The following PTPRN2 variants were observed in gnomAD, a reference collection of about 807,000 sequenced individuals.
PTPRN2 encodes the protein protein tyrosine phosphatase receptor type N2.
A neutral mutation model predicts 118.8 loss-of-function variants in PTPRN2; 74 were observed. The observed-to-expected ratio is 0.62, with a 90% CI of 0.52 to 0.76. The LOEUF (loss-of-function observed/expected upper bound fraction) is 0.76, where lower values mean the gene tolerates loss of function less well. PTPRN2 is among the 30% of genes least tolerant of loss of function. The probability of loss-of-function intolerance (pLI) is 0.00; values close to 1 mark genes in which losing one functional copy is unlikely to be tolerated. For synonymous variants in PTPRN2, 641 were observed against 608.0 expected (o/e 1.05, Z -0.80); for missense variants, 1,481 against 1,394.4 (o/e 1.06, Z -0.99).
rs546599303 is a variant in PTPRN2 at position 157,827,907 on chromosome 7, T to G, written c.1788+70766A>C. Among the ~76,000 whole-genome samples, 3 of 152,100 alleles carry G rather than the reference T, an allele frequency of 2.0e-5. No homozygotes were observed. The South Asian group carries it at 6.2e-4, about 32-fold the overall frequency. Reference sequence around the variant, plus strand: ...CTGATTTTGTTTTTTTTTGAAAAGGTAAACATAAAGAAAATGCTTGAAGCC... The same window carrying G: ...CTGATTTTGTTTTTTTTTGAAAAGGGAAACATAAAGAAAATGCTTGAAGCC... On this transcript the variant is annotated intron_variant, in intron 12 of 22. Transcript: ENST00000389418.
At chr7:158,053,681 C>T (rs544048007) in intron 11 of PTPRN2, among the ~76,000 whole-genome samples, 12 of 150,024 alleles carry the variant, frequency 8.0e-5, no homozygotes, top group African/African-American at 1.5e-4. Flanking sequence ...GTGGGACAGC[C>T]GCTGCGGAAG....
rs570783420 is a variant in PTPRN2, at chr7:158,325,502, G to C, written c.164-8570C>G. ...GGGCATTGTTTGAAATAACCACAATGCGCATACCTATTCAATCATTTGTGT... is the reference window on the plus strand; with the variant it reads ...GGGCATTGTTTGAAATAACCACAATCCGCATACCTATTCAATCATTTGTGT... On this transcript the variant is annotated intron_variant, in intron 2 of 22. Coordinates refer to ENST00000389418, the MANE Select transcript of PTPRN2 (RefSeq NM_002847.5). Among the ~76,000 whole-genome samples the C allele has an allele frequency of 5.3e-5, 8 of 152,298 alleles. 1 individual carries two copies. The South Asian group carries it at 1.7e-3, about 32-fold the overall frequency.
rs890166623 is a variant in PTPRN2, at chr7:158,544,804, T to C, written c.112+42754A>G. Among the ~76,000 whole-genome samples the C allele has an allele frequency of 6.6e-6, 1 of 152,200 alleles. No homozygotes were observed. The highest frequency in any genetic ancestry group is 1.5e-5 in the Non-Finnish European group (1 of 68,026). On this transcript the variant is annotated intron_variant, in intron 1 of 22. Coordinates refer to ENST00000389418, the MANE Select transcript of PTPRN2 (RefSeq NM_002847.5). This position sits in a 1 kb window ranked among gnomAD's most constrained non-coding sequence, Gnocchi z 4.2. ...CTCTAGAGTGAACACAGAAGCACTG[T>C]CTGGGGCACCTGTTGTCCTGGGGTT...
At chr7:157,838,195 G>A (rs1008329478) in intron 12 of PTPRN2, among the ~76,000 whole-genome samples, 10 of 149,824 alleles carry the variant, frequency 6.7e-5, no homozygotes, top group African/African-American at 2.0e-4. Context: ...TGGATGGTAC[G>A]GGAGAAAGCT....
intron 1 of PTPRN2, among the ~76,000 whole-genome samples, chr7:158,515,762 C>G (rs1003929897): frequency 1.3e-5 from 2 of 152,166 alleles, no homozygotes; most frequent in African/African-American, 4.8e-5. Flanking sequence ...CTTGTTTTCA[C>G]CCACGTGCCA....
chr7:158,334,836 G>C (rs375217617), intron 2 of PTPRN2, among the ~76,000 whole-genome samples: 25 of 22,596 alleles, frequency 1.1e-3, no homozygotes, highest in African/African-American at 4.1e-3. Context: ...ACCATAAGAG[G>C]TGACACCTGC....
At chr7:158,326,549 A>G (rs1318731282) in intron 2 of PTPRN2, among the ~76,000 whole-genome samples, 3 of 152,218 alleles carry the variant, frequency 2.0e-5, no homozygotes, top group Admixed American at 1.3e-4. Flanking sequence ...ACACACAACC[A>G]CATAATGCAT....
At chr7:158,571,852 T>C (rs537267388) in intron 1 of PTPRN2, among the ~76,000 whole-genome samples, 1 of 152,304 alleles carries the variant, frequency 6.6e-6, no homozygotes, top group South Asian at 2.1e-4. Context: ...AATGGTGCAT[T>C]TATTCACCAA....
At chr7:157,694,786 G>C (rs1797687565) in intron 12 of PTPRN2, among the ~76,000 whole-genome samples, 1 of 150,486 alleles carries the variant, frequency 6.6e-6, no homozygotes, top group African/African-American at 2.4e-5. Flanking sequence ...TTTTGGTCAT[G>C]AGATCTTAGA....
chr7:158,238,232 G>T (rs879760235), intron 3 of PTPRN2, among the ~76,000 whole-genome samples: 1 of 152,092 alleles, frequency 6.6e-6, no homozygotes, highest in Admixed American at 6.5e-5. Context: ...GCTCTGGGGG[G>T]CATCCCTCCC....
At position 158,118,235 on chromosome 7, in the gene PTPRN2, C is replaced by A. The variant is rs1420314080; in HGVS notation, c.1557-7320G>T. ...CTGGGACATACAATGTATAAGGATG[C>A]AATTTTGTGATATCAATAGCCAAAA... On this transcript the variant is annotated intron_variant, in intron 9 of 22. Transcript: ENST00000389418. Among the ~76,000 whole-genome samples, 6 of 151,962 alleles carry A rather than the reference C, an allele frequency of 3.9e-5. No individual in the cohort carries two copies. In the East Asian group the frequency reaches 9.6e-4, roughly 24 times the overall value.
chr7:157,793,680 CT>C (rs374492903), intron 12 of PTPRN2, among the ~76,000 whole-genome samples: 14 of 152,294 alleles, frequency 9.2e-5, no homozygotes, highest in African/African-American at 3.4e-4. Context: ...TTTAAGTGTC[CT>C]GTCAGCAGCT....
chr7:158,443,310 G>A lies in PTPRN2; in HGVS notation c.163+46425C>T, dbSNP rs149772569. Among the ~76,000 whole-genome samples, 115 of 152,346 alleles carry A rather than the reference G, an allele frequency of 7.5e-4. 3 individuals carry two copies. In the South Asian group the frequency reaches 0.021, roughly 28 times the overall value. On this transcript the variant is annotated intron_variant, in intron 2 of 22. Transcript: ENST00000389418. ...TCTCCCCGAAGGCACAGAAGGCTCCGAAGTTGCCACCTCTTGCCTGAGTTG... is the reference window on the plus strand; with the variant it reads ...TCTCCCCGAAGGCACAGAAGGCTCCAAAGTTGCCACCTCTTGCCTGAGTTG...
rs151114604 is a variant in PTPRN2 at position 158,567,369 on chromosome 7, G to A, written c.112+20189C>T. Among the ~76,000 whole-genome samples the A allele has an allele frequency of 8.4e-3, 1,286 of 152,290 alleles. 14 individuals are homozygous for A. Among genetic ancestry groups the A allele is most frequent in the African/African-American group, 0.028 (1,147 of 41,572 alleles). Reference sequence around the variant, plus strand: ...ACAAACAGGCCTGACGAGGCCAGCCGTGCCTGCGATTGCATTTTCCACTCT... The same window carrying A: ...ACAAACAGGCCTGACGAGGCCAGCCATGCCTGCGATTGCATTTTCCACTCT... On this transcript the variant is annotated intron_variant, in intron 1 of 22. Transcript: ENST00000389418.
intron 12 of PTPRN2, among the ~76,000 whole-genome samples, chr7:157,820,619 AC>A (rs553982053): frequency 3.2e-4 from 49 of 152,142 alleles, no homozygotes; most frequent in African/African-American, 1.1e-3. Flanking sequence ...ACACATGCAC[AC>A]AGCAGACCCC....
chr7:158,567,813 A>G lies in PTPRN2; in HGVS notation c.112+19745T>C, dbSNP rs555023734. On this transcript the variant is annotated intron_variant, in intron 1 of 22. Coordinates refer to ENST00000389418, the MANE Select transcript of PTPRN2 (RefSeq NM_002847.5). ...AGAGAAAACCAAATGGTGAACCCCC[A>G]TCTCACCTCATCCCACCCTTCCTTG... Among the ~76,000 whole-genome samples the G allele has an allele frequency of 2.0e-5, 3 of 152,330 alleles. No homozygotes were observed. The South Asian group carries it at 6.2e-4, about 32-fold the overall frequency.
intron 3 of PTPRN2, among the ~76,000 whole-genome samples, chr7:158,272,520 G>A (rs1157742267): frequency 2.0e-5 from 3 of 152,148 alleles, no homozygotes; most frequent in Non-Finnish European, 4.4e-5. Context: ...CAGTCTGCAT[G>A]GAACTTCCAC....
intron 12 of PTPRN2, among the ~76,000 whole-genome samples, chr7:157,769,507 G>C (rs1802674932): frequency 6.6e-6 from 1 of 152,188 alleles, no homozygotes; most frequent in Non-Finnish European, 1.5e-5. Flanking sequence ...ACACAGATAG[G>C]ATTTTGGAAT....
intron 5 of PTPRN2, among the ~76,000 whole-genome samples, chr7:158,181,335 T>A (rs1448097764): frequency 6.6e-6 from 1 of 152,194 alleles, no homozygotes; most frequent in Non-Finnish European, 1.5e-5. Flanking sequence ...TTGGGTTCAG[T>A]CAGCTAGTAT....
Sources: allele counts gnomAD v4.1 joint callset (sites outside exome capture counted in the v4.1 genomes callset), GRCh38; gene constraint gnomAD v4.1.1; non-coding constraint Gnocchi (gnomAD v3.1); transcripts MANE v1.5; gene names NCBI Gene and HGNC (gene_info 2026-07-23, HGNC 2026-07-21).